The following GPHN variants were observed in gnomAD, a reference collection of about 807,000 sequenced individuals.
GPHN encodes the protein gephyrin.
In GPHN, 17 loss-of-function variants were observed where a neutral mutation model predicts 95.5. The ratio of observed to expected loss-of-function variants is 0.18; its 90% CI spans 0.12 to 0.27. The LOEUF is 0.27. Ranked by LOEUF, GPHN falls within the 10% of genes least tolerant of loss-of-function variation. The probability of loss-of-function intolerance (pLI) is 1.00; values close to 1 mark genes in which losing one functional copy is unlikely to be tolerated. For missense variants in GPHN, 660 were observed against 978.1 expected (o/e 0.67, Z 4.34); for synonymous variants, 320 against 322.5 (o/e 0.99, Z 0.08).
the GPHN span, chr14:67,642,062 A>C: frequency 1.0e-6 from 1 of 981,906 alleles, no homozygotes; most frequent in African/African-American, 1.6e-5. Context: ...TTGACATTTT[A>C]AATTTTACTG....
intron 2 of GPHN, 152 bp downstream of exon 2, chr14:66,681,337 C>G: frequency 1.6e-6 from 1 of 620,584 alleles, no homozygotes; most frequent in Non-Finnish European, 2.9e-6. Context: ...TCTGACAGAA[C>G]AGTTCAGAAA....
chr14:67,334,597 A>C, the GPHN span: 2 of 152,482 alleles, frequency 1.3e-5, no homozygotes, highest in African/African-American at 4.8e-5. Context: ...TTTCTGTTCA[A>C]ATTTGCATGG....
chr14:66,989,726 G>A (rs1468724281), intron 9 of GPHN, among the ~76,000 whole-genome samples: 1 of 150,542 alleles, frequency 6.6e-6, no homozygotes, highest in Non-Finnish European at 1.5e-5. Flanking sequence ...AAGGAAACAT[G>A]CAAATCAATT....
chr14:67,587,175 G>A, the GPHN span: 4 of 1,613,782 alleles, frequency 2.5e-6, no homozygotes, highest in Non-Finnish European at 3.4e-6. Flanking sequence ...TGTGGGAACT[G>A]GATGGACGAC....
chr14:66,550,203 G>A (rs917708433), intron 1 of GPHN, among the ~76,000 whole-genome samples: 4 of 152,260 alleles, frequency 2.6e-5, no homozygotes, highest in South Asian at 4.1e-4. Flanking sequence ...AAAACCTTCC[G>A]GAAGGAATTC....
chr14:67,673,160 T>C, the GPHN span, among the ~76,000 whole-genome samples: 3 of 152,188 alleles, frequency 2.0e-5, no homozygotes, highest in Non-Finnish European at 2.9e-5. Context: ...CTGGCCAACA[T>C]GGCAAAACCC....
At chr14:67,446,344 A>T in the GPHN span, among the ~76,000 whole-genome samples, 1 of 152,234 alleles carries the variant, frequency 6.6e-6, no homozygotes, top group African/African-American at 2.4e-5. Context: ...ATAGCTGGAC[A>T]CAAAGTTCAT....
chr14:67,152,695 G>A (rs952540493), intron 18 of GPHN, among the ~76,000 whole-genome samples: 1 of 152,160 alleles, frequency 6.6e-6, no homozygotes, highest in Non-Finnish European at 1.5e-5. Context: ...GGCGGGGCGC[G>A]GTGGCTCACA....
rs2083215797 is a variant in GPHN at position 67,179,640 on chromosome 14, T to C, written c.2142T>C (p.His714=). ...PEYHRCILTW[H]HQEPLPWAQS... ...ACCATCGGTGTATACTAACTTGGCATCACCAAGAACCACTACCTTGGGCAC... is the reference window on the plus strand; with the variant it reads ...ACCATCGGTGTATACTAACTTGGCACCACCAAGAACCACTACCTTGGGCAC... The change falls in exon 22 of 23, where the codon CAT becomes CAC. Residue 714 remains histidine, a synonymous_variant. Coordinates refer to ENST00000478722, the MANE Select transcript of GPHN (RefSeq NM_020806.5). 1 of 1,606,664 alleles carries C rather than the reference T, an allele frequency of 6.2e-7. No homozygotes were observed. Among genetic ancestry groups the C allele is most frequent in the Non-Finnish European group, 8.5e-7 (1 of 1,173,306 alleles).
chr14:67,725,021 C>A, the GPHN span: 6 of 1,496,692 alleles, frequency 4.0e-6, no homozygotes, highest in Admixed American at 5.0e-5. Flanking sequence ...CTCTGTCCCC[C>A]AGTCCCAAGC....
chr14:67,016,564 G>A (rs1047108000), intron 9 of GPHN, among the ~76,000 whole-genome samples: 3 of 151,974 alleles, frequency 2.0e-5, no homozygotes, highest in Admixed American at 6.6e-5. Flanking sequence ...CCAGTGAATG[G>A]ACCTGTCTTT....
the GPHN span, among the ~76,000 whole-genome samples, chr14:67,682,454 T>C: frequency 8.5e-5 from 13 of 152,186 alleles, no homozygotes; most frequent in African/African-American, 2.4e-4. Flanking sequence ...AAGGACTTGA[T>C]AGACATTTCC....
At chr14:67,065,132 G>A (rs1341651989) in intron 11 of GPHN, among the ~76,000 whole-genome samples, 1 of 152,150 alleles carries the variant, frequency 6.6e-6, no homozygotes, top group Non-Finnish European at 1.5e-5. Flanking sequence ...GGTACATCAT[G>A]TCTTCGTTCT....
chr14:67,668,178 A>G, the GPHN span, among the ~76,000 whole-genome samples: 2 of 152,316 alleles, frequency 1.3e-5, no homozygotes, highest in South Asian at 4.1e-4. Flanking sequence ...AGATGTCTTC[A>G]GGTATGACAA....
intron 4 of GPHN, among the ~76,000 whole-genome samples, chr14:66,833,029 A>C (rs774638028): frequency 7.9e-5 from 12 of 152,202 alleles, no homozygotes; most frequent in Admixed American, 7.9e-4. Flanking sequence ...CTAGACCTAC[A>C]TTATTTTATT....
the GPHN span, among the ~76,000 whole-genome samples, chr14:67,458,654 CT>C: frequency 6.6e-6 from 1 of 152,168 alleles, no homozygotes; most frequent in African/African-American, 2.4e-5. Context: ...CCTGTTTAGT[CT>C]TTTCACTGAC....
the GPHN span, among the ~76,000 whole-genome samples, chr14:67,465,939 G>A: frequency 7.9e-5 from 12 of 152,244 alleles, no homozygotes; most frequent in East Asian, 1.2e-3. Context: ...AAGGATTGCC[G>A]GCAGCCACCA....
the GPHN span, among the ~76,000 whole-genome samples, chr14:67,556,559 A>G: frequency 5.3e-5 from 8 of 152,256 alleles, no homozygotes; most frequent in East Asian, 1.5e-3. Flanking sequence ...GATTACAGGT[A>G]TGAGCCACCA....
the GPHN span, among the ~76,000 whole-genome samples, chr14:67,350,376 G>A: frequency 4.6e-5 from 7 of 152,218 alleles, no homozygotes; most frequent in African/African-American, 9.6e-5. Flanking sequence ...ATGATACAAC[G>A]TTAAATGAAA....
Sources: gnomAD v4.1 joint callset for allele counts (sites outside exome capture counted in the v4.1 genomes callset) on GRCh38, gnomAD v4.1.1 for gene constraint, MANE v1.5 for transcripts, NCBI Gene and HGNC (gene_info 2026-07-23, HGNC 2026-07-21) for gene names.